The following EYS variants were observed in gnomAD, a reference collection of about 807,000 sequenced individuals.
The protein encoded by EYS is EGF-like photoreceptor maintenance factor.
In EYS, 250 loss-of-function variants were observed where a neutral mutation model predicts 282.1. That is an observed-to-expected ratio of 0.89 (90% CI 0.80 to 0.98). The LOEUF (loss-of-function observed/expected upper bound fraction) is 0.98. Ranked by LOEUF, EYS falls within the 50% of genes least tolerant of loss-of-function variation. The pLI, the probability that EYS is intolerant of heterozygous loss-of-function variation, is 0.00. For synonymous variants in EYS, 1,355 were observed against 1,282.9 expected (o/e 1.06, Z -1.20); for missense variants, 4,016 against 3,709.0 (o/e 1.08, Z -2.15).
chr6:65,526,325 A>C (rs573674886), intron 2 of EYS, among the ~76,000 whole-genome samples: 169 of 152,308 alleles, frequency 1.1e-3, no homozygotes, highest in African/African-American at 3.9e-3. Flanking sequence ...ACAAAGATTC[A>C]GAGATCAATT....
intron 2 of EYS, among the ~76,000 whole-genome samples, chr6:65,626,962 T>C (rs1280525630): frequency 6.9e-6 from 1 of 144,342 alleles, no homozygotes; most frequent in Non-Finnish European, 1.5e-5. Flanking sequence ...TTTCAGGTTT[T>C]CTTTTCTTTC....
intron 12 of EYS, among the ~76,000 whole-genome samples, chr6:65,236,063 T>G (rs1766914878): frequency 6.6e-6 from 1 of 151,910 alleles, no homozygotes; most frequent in Non-Finnish European, 1.5e-5. Flanking sequence ...GTAAAATATT[T>G]ATAGTAATTT....
chr6:65,057,696 A>T lies in EYS; in HGVS notation c.2055T>A (p.Cys685Ter), dbSNP rs372354156. The T allele has an allele frequency of 6.4e-7, 1 of 1,550,838 alleles. No homozygotes were observed. Among genetic ancestry groups the T allele is most frequent in the Non-Finnish European group, 8.7e-7 (1 of 1,146,344 alleles). ...CTCCATTTTTGCAGGGATGTGAAGC[A>T]CACTCATCTATATCAATTTCACATT... is the stretch of plus-strand genomic sequence containing the variant. ...GTQCEIDIDE[C>*]ASHPCKNGAT... Residue 685 changes from cysteine (C) to a stop codon, truncating the protein, a stop_gained, in exon 13 of 43, where the codon TGT (cysteine) becomes TGA (stop). Transcript: ENST00000503581. LOFTEE classifies it high-confidence loss of function.
intron 36 of EYS, among the ~76,000 whole-genome samples, chr6:63,835,328 ACT>A (rs906843809): frequency 1.1e-3 from 167 of 149,180 alleles, no homozygotes; most frequent in South Asian, 1.9e-3. Context: ...ATACATATAT[ACT>A]CTCTCTCTAT....
intron 26 of EYS, among the ~76,000 whole-genome samples, chr6:64,562,286 T>G (rs1004424640): frequency 6.6e-6 from 1 of 151,906 alleles, no homozygotes. Context: ...ATCTGATGTT[T>G]CCTAGAAGTC....
At chr6:65,512,283 G>A (rs1766912237) in intron 2 of EYS, among the ~76,000 whole-genome samples, 1 of 151,968 alleles carries the variant, frequency 6.6e-6, no homozygotes, top group Non-Finnish European at 1.5e-5. Context: ...ACGAGGTCAG[G>A]AGATCGAGAC....
At chr6:64,023,521 C>T (rs111316723) in intron 33 of EYS, among the ~76,000 whole-genome samples, 151 of 152,330 alleles carry the variant, frequency 9.9e-4, no homozygotes, top group African/African-American at 3.1e-3. Flanking sequence ...ATGGCATGGT[C>T]TCGATTTTTC....
At chr6:63,825,915 A>G (rs1162743815) in intron 36 of EYS, among the ~76,000 whole-genome samples, 6 of 152,228 alleles carry the variant, frequency 3.9e-5, no homozygotes, top group African/African-American at 1.4e-4. Context: ...TAGTTGAAAA[A>G]GAATTCAGGA....
At chr6:64,758,929 G>C (rs572189829) in intron 22 of EYS, among the ~76,000 whole-genome samples, 3 of 152,244 alleles carry the variant, frequency 2.0e-5, no homozygotes, top group Non-Finnish European at 2.9e-5. Flanking sequence ...ACTAGGTCAG[G>C]AGATAGAGAC....
rs150001722 is a variant in EYS, at chr6:65,054,630, C to G, written c.2137+2984G>C. ...AAACTGAATTAGAATGTATTTATGT[C>G]TAGGATAGGGTGTCTACAGTATAAA... is the stretch of plus-strand genomic sequence containing the variant. On this transcript the variant is annotated intron_variant, in intron 13 of 42. Transcript: ENST00000503581. Among the ~76,000 whole-genome samples, 1,221 of 152,040 alleles carry G rather than the reference C, an allele frequency of 8.0e-3. 11 individuals are homozygous for G. The highest frequency in any genetic ancestry group is 0.028 in the African/African-American group (1,172 of 41,520).
intron 26 of EYS, among the ~76,000 whole-genome samples, chr6:64,508,803 C>T (rs1025692968): frequency 6.6e-6 from 1 of 151,894 alleles, no homozygotes; most frequent in Admixed American, 6.6e-5. Flanking sequence ...TCTCCAGTAA[C>T]CTTTGGTCTC....
intron 22 of EYS, among the ~76,000 whole-genome samples, chr6:64,782,414 T>G (rs559429822): frequency 6.6e-6 from 1 of 152,300 alleles, no homozygotes; most frequent in South Asian, 2.1e-4. Context: ...TCATGAATAT[T>G]AATTGAGATT....
chr6:65,673,294 C>T (rs941570864), intron 1 of EYS, among the ~76,000 whole-genome samples: 6 of 151,800 alleles, frequency 4.0e-5, no homozygotes, highest in African/African-American at 2.4e-5. Flanking sequence ...AGCGTGGGAA[C>T]GTAGAGTGGG....
rs1582510811 is a variant in EYS at position 64,267,923 on chromosome 6, T to G, written c.6192-37099A>C. Among the ~76,000 whole-genome samples the G allele has an allele frequency of 2.0e-5, 3 of 152,240 alleles. 1 individual carries two copies. Among genetic ancestry groups the G allele is most frequent in the Middle Eastern group, 3.4e-3 (1 of 294 alleles). On this transcript the variant is annotated intron_variant, in intron 30 of 42. Coordinates refer to ENST00000503581, the MANE Select transcript of EYS (RefSeq NM_001142800.2). ...TTTTGCTCTCTTATGTTGTAGATGG[T>G]GATAGGAATTGAACTGACACCCTTT...
At chr6:64,508,737 A>C (rs1465980843) in intron 26 of EYS, among the ~76,000 whole-genome samples, 2 of 151,958 alleles carry the variant, frequency 1.3e-5, no homozygotes, top group Non-Finnish European at 2.9e-5. Context: ...ATTACAGTAC[A>C]TTAAAGCTTA....
intron 5 of EYS, among the ~76,000 whole-genome samples, chr6:65,433,426 A>AG (rs1328836251): frequency 6.6e-6 from 1 of 152,280 alleles, no homozygotes; most frequent in East Asian, 1.9e-4. Flanking sequence ...TTTAAAAAAA[A>AG]CAGAATGCTT....
At chr6:64,227,311 T>G (rs538408475) in intron 31 of EYS, among the ~76,000 whole-genome samples, 2 of 152,112 alleles carry the variant, frequency 1.3e-5, no homozygotes, top group Non-Finnish European at 2.9e-5. Context: ...CTTCTTTGGT[T>G]TGACGATTTT....
At chr6:64,425,088 G>C (rs949883433) in intron 28 of EYS, among the ~76,000 whole-genome samples, 1 of 152,132 alleles carries the variant, frequency 6.6e-6, no homozygotes, top group Admixed American at 6.5e-5. Flanking sequence ...AGTCCTAGAA[G>C]TAATGGAATG....
At chr6:65,257,741 C>G (rs1464890288) in intron 12 of EYS, among the ~76,000 whole-genome samples, 3 of 151,902 alleles carry the variant, frequency 2.0e-5, no homozygotes, top group African/African-American at 7.3e-5. Flanking sequence ...TTAGGACTGA[C>G]TTGGCGAAGA....
Sources: allele counts gnomAD v4.1 joint callset (sites outside exome capture counted in the v4.1 genomes callset), GRCh38; gene constraint gnomAD v4.1.1; transcripts MANE v1.5; gene names NCBI Gene and HGNC (gene_info 2026-07-23, HGNC 2026-07-21).